CDK5RAP1: variants seen among roughly 807,000 people sequenced by gnomAD.
CDK5RAP1 encodes the protein mitochondrial tRNA methylthiotransferase CDK5RAP1.
In CDK5RAP1, 62 loss-of-function variants were observed where a neutral mutation model predicts 64.5. The observed-to-expected ratio is 0.96, with a 90% CI of 0.78 to 1.19. CDK5RAP1 has a LOEUF of 1.19. CDK5RAP1 is among the 50% of genes most tolerant of loss of function. The pLI, the probability that CDK5RAP1 is intolerant of heterozygous loss-of-function variation, is 0.00. For synonymous variants in CDK5RAP1, 250 were observed against 261.9 expected, an observed-to-expected ratio of 0.95 and a Z score of 0.44; for missense variants, 657 against 735.0, an observed-to-expected ratio of 0.89 and a Z score of 1.23.
chr20:33,369,170 T>C (rs1309848406), intron 11 of CDK5RAP1, among the ~76,000 whole-genome samples: 1 of 150,174 alleles, frequency 6.7e-6, no homozygotes, highest in African/African-American at 2.5e-5. Flanking sequence ...GGCATATTTG[T>C]GATGTCCATG....
Position 33,359,039 on chromosome 20 carries a change from C to CA in CDK5RAP1, c.*3dup. ...CAAGTCAGCTCTGAGGCCATCCTCT[C>CA]AGGTCAGCAATATGCAGAAGAGTCC... On this transcript the variant is annotated 3_prime_UTR_variant, in exon 14 of 14. Coordinates refer to ENST00000346416, the MANE Select transcript of CDK5RAP1 (RefSeq NM_016408.4). 1 of 1,607,838 alleles carries CA rather than the reference C, an allele frequency of 6.2e-7. No individual in the cohort carries two copies.
intron 11 of CDK5RAP1, 42 bp downstream of exon 11, chr20:33,370,457 T>A (rs1192871820): frequency 6.2e-7 from 1 of 1,608,620 alleles, no homozygotes; most frequent in Admixed American, 1.7e-5. Context: ...ACCCCCAAAC[T>A]GGTCAGGAAT....
chr20:33,366,723 T>C (rs1324931896), intron 12 of CDK5RAP1, 136 bp downstream of exon 12: 5 of 721,574 alleles, frequency 6.9e-6, no homozygotes, highest in Non-Finnish European at 1.1e-5. Context: ...TCCCACCTAC[T>C]TGGGAGGCTG....
intron 5 of CDK5RAP1, among the ~76,000 whole-genome samples, chr20:33,389,615 C>A (rs1190837693): frequency 6.7e-6 from 1 of 150,194 alleles, no homozygotes; most frequent in East Asian, 2.1e-4. Context: ...GCCAGCCGCC[C>A]CGTCCAGGAG....
intron 11 of CDK5RAP1, among the ~76,000 whole-genome samples, chr20:33,368,913 G>T (rs1984509469): frequency 6.6e-6 from 1 of 151,712 alleles, no homozygotes; most frequent in Non-Finnish European, 1.5e-5. Flanking sequence ...GGCTGAGGTG[G>T]GTGGATCACA....
Position 33,359,100 on chromosome 20 carries a change from T to G in CDK5RAP1, c.1707A>C (p.Thr569=), listed in dbSNP as rs759433834. The G allele has an allele frequency of 8.1e-6, 13 of 1,613,644 alleles. No individual in the cohort carries two copies. In the East Asian group the frequency reaches 2.7e-4, roughly 33 times the overall value. ...TCCTGCAGAGAACATGTCCCCTAAGTGTCTGAGAACTGGCTGAGGTGATCT... is the reference window on the plus strand; with the variant it reads ...TCCTGCAGAGAACATGTCCCCTAAGGGTCTGAGAACTGGCTGAGGTGATCT... ...LVKITSASSQ[T]LRGHVLCRTT... is the part of the protein sequence containing the mutation. The change falls in exon 14 of 14, where the codon ACA becomes ACC. Residue 569 remains threonine, a synonymous_variant. Coordinates refer to ENST00000346416, the MANE Select transcript of CDK5RAP1 (RefSeq NM_016408.4).
In CDK5RAP1 at chr20:33,387,269, A is replaced by G. The variant is rs1291698639; in HGVS notation, c.755+54T>C. ...GAGACCCTGTCTCAAAAAAAAAAAA[A>G]AAAGTGTGAAAGGAGGAAGAGGCTT... is the stretch of plus-strand genomic sequence containing the variant. On this transcript the variant is annotated intron_variant, in intron 6 of 13. Coordinates refer to ENST00000346416, the MANE Select transcript of CDK5RAP1 (RefSeq NM_016408.4). 13 of 1,397,162 alleles carry G rather than the reference A, an allele frequency of 9.3e-6. No homozygotes were observed. The East Asian group carries it at 2.7e-4, about 30-fold the overall frequency. 86.5% of individuals were successfully genotyped at this position (1,397,162 alleles called of 1,614,324 possible).
At chr20:33,367,569 G>A (rs1031775156) in intron 11 of CDK5RAP1, among the ~76,000 whole-genome samples, 2 of 152,136 alleles carry the variant, frequency 1.3e-5, no homozygotes, top group African/African-American at 2.4e-5. Flanking sequence ...ATAAACACAC[G>A]AAATATGCCC....
intron 5 of CDK5RAP1, among the ~76,000 whole-genome samples, chr20:33,388,751 AGTGCCT>A (rs1987834365): frequency 6.6e-6 from 1 of 151,894 alleles, no homozygotes; most frequent in Non-Finnish European, 1.5e-5. Flanking sequence ...CAACCTGCCG[AGTGCCT>A]GCGATTGCAG....
At chr20:33,376,261 T>C (rs1365591512) in intron 8 of CDK5RAP1, among the ~76,000 whole-genome samples, 2 of 152,004 alleles carry the variant, frequency 1.3e-5, no homozygotes, top group African/African-American at 4.8e-5. Flanking sequence ...GAGGCAGAGG[T>C]TGCAGTGAGC....
At chr20:33,383,973 G>C (rs912292293) in intron 7 of CDK5RAP1, among the ~76,000 whole-genome samples, 1 of 152,074 alleles carries the variant, frequency 6.6e-6, no homozygotes, top group African/African-American at 2.4e-5. Flanking sequence ...CTGGGGCAGA[G>C]GGGTCATTAT....
chr20:33,378,751 G>A (rs1298806653), intron 8 of CDK5RAP1, among the ~76,000 whole-genome samples: 3 of 152,116 alleles, frequency 2.0e-5, no homozygotes, highest in Non-Finnish European at 4.4e-5. Flanking sequence ...TTGAACCCGG[G>A]TCTGAGGCGA....
At position 33,401,442 on chromosome 20, in the gene CDK5RAP1, A is replaced by T; in HGVS notation, c.-35T>A. The T allele has an allele frequency of 1.0e-6, 1 of 985,490 alleles. No homozygotes were observed. Among genetic ancestry groups the T allele is most frequent in the Non-Finnish European group, 1.2e-6 (1 of 829,948 alleles). 61.0% of individuals were successfully genotyped at this position (985,490 alleles called of 1,614,324 possible). A position where few individuals can be genotyped will look rare whatever the true frequency, so the allele number is the denominator to read the frequency against. On this transcript the variant is annotated 5_prime_UTR_variant, in exon 1 of 14. In the 5' UTR this introduces an upstream ATG that the reference lacks. Transcript: ENST00000346416. ...GCGCTGCTCACCTCCCGCAGCAGCAACAGTGCCCGGGGTCCCGCAGCGTAA... is the reference window on the plus strand; with the variant it reads ...GCGCTGCTCACCTCCCGCAGCAGCATCAGTGCCCGGGGTCCCGCAGCGTAA...
Position 33,379,620 on chromosome 20 carries a change from G to A in CDK5RAP1, c.948C>T (p.Asn316=). The part of the protein sequence containing the change: ...SFRDNSEVQF[N]SAVPTNLSRG... ...GACTGAGATTGGTAGGCACTGCACT[G>A]TTGAACTGGACCTCCGAATTGTCCC... Residue 316 remains asparagine (N), a synonymous_variant, in exon 8 of 14, where the codon AAC becomes AAT. Transcript: ENST00000346416. 2 of 1,614,098 alleles carry A rather than the reference G, an allele frequency of 1.2e-6. No homozygotes were observed. The highest frequency in any genetic ancestry group is 4.5e-5 in the East Asian group (2 of 44,880).
chr20:33,380,983 G>C (rs1986684154), intron 7 of CDK5RAP1, among the ~76,000 whole-genome samples: 1 of 152,162 alleles, frequency 6.6e-6, no homozygotes, highest in African/African-American at 2.4e-5. Flanking sequence ...CTGGGCAACA[G>C]AGCGAGACTC....
At chr20:33,389,321 T>C (rs1273106066) in intron 5 of CDK5RAP1, among the ~76,000 whole-genome samples, 2 of 147,682 alleles carry the variant, frequency 1.4e-5, no homozygotes, top group Non-Finnish European at 3.0e-5. Flanking sequence ...CCGCCCCGTC[T>C]GAGAAGTGAG....
In CDK5RAP1 at chr20:33,394,013, GA is replaced by G; in HGVS notation, c.443+18del. On this transcript the variant is annotated intron_variant, in intron 4 of 13. Coordinates refer to ENST00000346416, the MANE Select transcript of CDK5RAP1 (RefSeq NM_016408.4). ...TTACATAAAATACATTCACTCCTAG[GA>G]AAAGAACAAATTCGCACCTGATAGA... 2 of 1,555,774 alleles carry G rather than the reference GA, an allele frequency of 1.3e-6. No homozygotes were observed. The highest frequency in any genetic ancestry group is 1.8e-6 in the Non-Finnish European group (2 of 1,126,640).
chr20:33,367,577 C>A (rs983908878), intron 11 of CDK5RAP1, among the ~76,000 whole-genome samples: 1 of 152,042 alleles, frequency 6.6e-6, no homozygotes, highest in Non-Finnish European at 1.5e-5. Flanking sequence ...ACGAAATATG[C>A]CCAGAAAGTT....
At chr20:33,378,837 CATT>C (rs1986363377) in intron 8 of CDK5RAP1, among the ~76,000 whole-genome samples, 2 of 152,162 alleles carry the variant, frequency 1.3e-5, no homozygotes, top group Admixed American at 6.5e-5. Flanking sequence ...GCCCCACCAC[CATT>C]ATTACCACTC....
Sources: gnomAD v4.1 joint callset for allele counts (sites outside exome capture counted in the v4.1 genomes callset) on GRCh38, gnomAD v4.1.1 for gene constraint, MANE v1.5 for transcripts, NCBI Gene and HGNC (gene_info 2026-07-23, HGNC 2026-07-21) for gene names.